The following MALRD1 variants were observed in gnomAD, a reference collection of about 807,000 sequenced individuals.
The protein encoded by MALRD1 is MAM and LDL receptor class A domain containing 1.
MALRD1 carries 247 observed loss-of-function variants against 242.1 expected under a neutral mutation model. The observed-to-expected ratio is 1.02, with a 90% confidence interval of 0.92 to 1.13. The LOEUF (loss-of-function observed/expected upper bound fraction) is 1.13. Among genes scored for constraint, MALRD1 ranks in the 50% most tolerant of loss-of-function variants. MALRD1 has a pLI of 0.00. For missense variants in MALRD1, 2,989 were observed against 2,533.1 expected (o/e 1.18, Z -3.86); for synonymous variants, 995 against 866.6 (o/e 1.15, Z -2.60).
At chr10:19,462,741 G>A (rs1836008667) in intron 29 of MALRD1, among the ~76,000 whole-genome samples, 1 of 152,222 alleles carries the variant, frequency 6.6e-6, no homozygotes, top group Non-Finnish European at 1.5e-5. Context: ...TAGATGGCTA[G>A]TCCAATAGTG....
At chr10:19,119,026 A>T (rs1836971276) in intron 5 of MALRD1, among the ~76,000 whole-genome samples, 1 of 152,172 alleles carries the variant, frequency 6.6e-6, no homozygotes, top group African/African-American at 2.4e-5. Flanking sequence ...GAAAGAGATG[A>T]TGTTTCCTGA....
chr10:19,609,204 C>G (rs1456879045), intron 35 of MALRD1, among the ~76,000 whole-genome samples: 1 of 152,052 alleles, frequency 6.6e-6, no homozygotes, highest in Non-Finnish European at 1.5e-5. Context: ...TTGTCTGTCT[C>G]TTTTCATCAC....
intron 4 of MALRD1, among the ~76,000 whole-genome samples, chr10:19,102,946 C>G (rs1483009594): frequency 1.3e-5 from 2 of 151,862 alleles, no homozygotes; most frequent in Admixed American, 6.6e-5. Context: ...CCTCCCGGTT[C>G]AAGCAATTCT....
chr10:19,704,793 T>C (rs1471401935), intron 38 of MALRD1, among the ~76,000 whole-genome samples: 3 of 152,156 alleles, frequency 2.0e-5, no homozygotes, highest in African/African-American at 4.8e-5. Context: ...CAAAATACTT[T>C]GGTGGTAAAA....
chr10:19,647,587 G>A (rs1840709688), intron 36 of MALRD1, among the ~76,000 whole-genome samples: 1 of 152,166 alleles, frequency 6.6e-6, no homozygotes, highest in Non-Finnish European at 1.5e-5. Context: ...ACTGTCCCAA[G>A]TAAACCAGGA....
chr10:19,174,462 T>G (rs987053581), intron 13 of MALRD1, among the ~76,000 whole-genome samples: 6 of 152,166 alleles, frequency 3.9e-5, no homozygotes, highest in African/African-American at 1.4e-4. Flanking sequence ...AAATGTACCT[T>G]CTGTCTGTGT....
chr10:19,239,444 A>C (rs1838659257), intron 18 of MALRD1, among the ~76,000 whole-genome samples: 1 of 152,106 alleles, frequency 6.6e-6, no homozygotes, highest in East Asian at 1.9e-4. Context: ...CCCATTCTGT[A>C]AGTTGTCTTT....
intron 18 of MALRD1, among the ~76,000 whole-genome samples, chr10:19,228,526 AT>A (rs1837897224): frequency 6.6e-6 from 1 of 152,180 alleles, no homozygotes; most frequent in African/African-American, 2.4e-5. Context: ...AAAAGGGTGA[AT>A]TTTACTGTGT....
At chr10:19,584,483 C>T (rs1047977105) in intron 33 of MALRD1, among the ~76,000 whole-genome samples, 22 of 152,184 alleles carry the variant, frequency 1.4e-4, no homozygotes, top group African/African-American at 5.1e-4. Flanking sequence ...TCGTTATGTA[C>T]CCAGTAGTCA....
At chr10:19,563,429 C>T (rs910764189) in intron 32 of MALRD1, among the ~76,000 whole-genome samples, 8 of 152,266 alleles carry the variant, frequency 5.3e-5, no homozygotes, top group African/African-American at 1.7e-4. Context: ...AGCAGTAACT[C>T]ACTTCATTGC....
chr10:19,083,765 G>A (rs1247031855), intron 2 of MALRD1, among the ~76,000 whole-genome samples: 1 of 151,924 alleles, frequency 6.6e-6, no homozygotes, highest in Non-Finnish European at 1.5e-5. Context: ...AAACTGGAGA[G>A]TGGGCAATGA....
intron 36 of MALRD1, among the ~76,000 whole-genome samples, chr10:19,657,631 A>G (rs1333919493): frequency 2.6e-5 from 4 of 152,190 alleles, no homozygotes; most frequent in Non-Finnish European, 5.9e-5. Context: ...GCATTTATGA[A>G]TAATAATCAC....
chr10:19,640,535 C>T (rs937526634), intron 36 of MALRD1, among the ~76,000 whole-genome samples: 1 of 151,820 alleles, frequency 6.6e-6, no homozygotes, highest in Non-Finnish European at 1.5e-5. Flanking sequence ...TGGGGAATTT[C>T]AAAAAAGTTG....
rs1337038876 is a variant in MALRD1 at position 19,491,646 on chromosome 10, G to A, written c.5158+1G>A. 6.5e-7 allele frequency: 1 copy of A among 1,548,628 alleles called. No individual in the cohort carries two copies. The highest frequency in any genetic ancestry group is 2.4e-5 in the East Asian group (1 of 40,852). On this transcript the variant is annotated splice_donor_variant, in intron 30 of 39. Coordinates refer to ENST00000454679, the MANE Select transcript of MALRD1 (RefSeq NM_001142308.3). LOFTEE classifies it high-confidence loss of function. ...GATAGGTCTGATGAAGCTCACTGTG[G>A]TAAGTTTATCTATCTGCTGTATGGC...
intron 5 of MALRD1, among the ~76,000 whole-genome samples, chr10:19,108,815 T>G (rs1008810299): frequency 4.6e-5 from 7 of 152,224 alleles, no homozygotes; most frequent in Non-Finnish European, 8.8e-5. Flanking sequence ...ATATATAAAT[T>G]TCCATTTTGG....
chr10:19,555,121 ATT>A (rs1835659948), intron 32 of MALRD1, among the ~76,000 whole-genome samples: 1 of 151,932 alleles, frequency 6.6e-6, no homozygotes, highest in Non-Finnish European at 1.5e-5. Flanking sequence ...TGTGTTTTTG[ATT>A]TGAATTTCTT....
intron 32 of MALRD1, among the ~76,000 whole-genome samples, chr10:19,545,826 G>A (rs1294419875): frequency 1.3e-5 from 2 of 152,188 alleles, no homozygotes; most frequent in African/African-American, 4.8e-5. Context: ...CTCTGGCACT[G>A]TGGTCTTAGA....
intron 7 of MALRD1, among the ~76,000 whole-genome samples, chr10:19,125,318 C>T (rs199647347): frequency 0.14 from 11,057 of 78,330 alleles, 1,055 homozygotes; most frequent in Admixed American, 0.3. Context: ...TCCTTCCTTC[C>T]TTCCTTCTTT....
At chr10:19,500,616 A>G (rs1325033526) in intron 31 of MALRD1, among the ~76,000 whole-genome samples, 3 of 152,224 alleles carry the variant, frequency 2.0e-5, no homozygotes, top group Non-Finnish European at 4.4e-5. Flanking sequence ...TTTACAAAGC[A>G]TTTTGGCCTC....
Sources: allele counts gnomAD v4.1 joint callset (sites outside exome capture counted in the v4.1 genomes callset), GRCh38; gene constraint gnomAD v4.1.1; transcripts MANE v1.5; gene names NCBI Gene and HGNC (gene_info 2026-07-23, HGNC 2026-07-21).